Variants in CLPB observed in about 807,000 individuals in gnomAD.
CLPB encodes mitochondrial disaggregase.
CLPB carries 40 observed loss-of-function variants against 78.4 expected under a neutral mutation model. The ratio of observed to expected loss-of-function variants is 0.51; its 90% CI spans 0.40 to 0.66. CLPB has a LOEUF of 0.66. Ranked by LOEUF, CLPB falls within the 30% of genes least tolerant of loss-of-function variation. The probability of loss-of-function intolerance (pLI) is 0.00; values close to 1 mark genes in which losing one functional copy is unlikely to be tolerated. For synonymous variants in CLPB, 333 were observed against 348.0 expected (o/e 0.96, Z 0.48); for missense variants, 780 against 886.9 (o/e 0.88, Z 1.53).
Position 72,363,198 on chromosome 11 carries a change from A to AGGGAG in CLPB, c.647-4195_647-4191dup, listed in dbSNP as rs1320176583. On this transcript the variant is annotated intron_variant, in intron 4 of 15. Transcript: ENST00000538039. ...TAAAAGAAGGAAGGAAGGGAAGGGA[A>AGGGAG]GGGAGGGGAGGGGACGGAGGGAAGG... Among the ~76,000 whole-genome samples the AGGGAG allele has an allele frequency of 7.7e-5, 11 of 141,964 alleles. No individual in the cohort carries two copies. The East Asian group carries it at 2.4e-3, about 31-fold the overall frequency. 93.1% of individuals were successfully genotyped at this position (141,964 alleles called of 152,430 possible).
At chr11:72,422,875 G>A (rs1304896387) in intron 2 of CLPB, among the ~76,000 whole-genome samples, 1 of 152,148 alleles carries the variant, frequency 6.6e-6, no homozygotes, top group African/African-American at 2.4e-5. Context: ...AGTACATTCT[G>A]GACACCTCAA....
chr11:72,423,118 A>G (rs527669432), intron 2 of CLPB, among the ~76,000 whole-genome samples: 7 of 152,350 alleles, frequency 4.6e-5, no homozygotes, highest in Non-Finnish European at 8.8e-5. Context: ...ATAAAACCAG[A>G]AATCAAAACA....
chr11:72,317,761 T>C (rs191859592), intron 6 of CLPB, among the ~76,000 whole-genome samples: 1 of 152,362 alleles, frequency 6.6e-6, no homozygotes, highest in East Asian at 1.9e-4. Flanking sequence ...AGTTCTTGCA[T>C]GCCCAGCCTT....
At chr11:72,385,013 G>A (rs1051564288) in intron 3 of CLPB, among the ~76,000 whole-genome samples, 1 of 152,172 alleles carries the variant, frequency 6.6e-6, no homozygotes, top group Non-Finnish European at 1.5e-5. Context: ...ATAAGGAAAT[G>A]TCTGACTTAA....
intron 3 of CLPB, among the ~76,000 whole-genome samples, chr11:72,389,490 G>A (rs1469039668): frequency 2.6e-5 from 4 of 152,220 alleles, no homozygotes; most frequent in African/African-American, 9.7e-5. Flanking sequence ...TGTGGTATAA[G>A]GCTAGGTCTT....
intron 2 of CLPB, among the ~76,000 whole-genome samples, chr11:72,422,852 T>C (rs898157470): frequency 2.0e-5 from 3 of 152,224 alleles, no homozygotes; most frequent in Admixed American, 6.5e-5. Context: ...GACATTTACC[T>C]ATGCTGTAAC....
intron 11 of CLPB, among the ~76,000 whole-genome samples, chr11:72,297,106 G>A (rs987766099): frequency 6.6e-5 from 10 of 152,204 alleles, no homozygotes; most frequent in African/African-American, 2.4e-4. Context: ...ACTGGGACAG[G>A]TGCTAGGGAG....
intron 3 of CLPB, among the ~76,000 whole-genome samples, chr11:72,400,913 T>C (rs570121419): frequency 1.3e-5 from 2 of 152,328 alleles, no homozygotes; most frequent in South Asian, 4.1e-4. Flanking sequence ...TATGTCTCCT[T>C]ACCTGCATTT....
chr11:72,382,100 A>G (rs1299074493), intron 3 of CLPB, among the ~76,000 whole-genome samples: 4 of 151,434 alleles, frequency 2.6e-5, no homozygotes, highest in African/African-American at 9.7e-5. Context: ...CCTGCCCAGG[A>G]ACAGGCCAGC....
chr11:72,366,517 C>T lies in CLPB; in HGVS notation c.647-7509G>A, dbSNP rs146246635. On this transcript the variant is annotated intron_variant, in intron 4 of 15. Transcript: ENST00000538039. ...TGCTGGGATTACAGGTATGAACCAC[C>T]GCACCCAGCCAAGAATCTATAAGGA... Among the ~76,000 whole-genome samples the T allele has an allele frequency of 5.0e-4, 76 of 152,058 alleles. 1 individual carries two copies. Among genetic ancestry groups the T allele is most frequent in the African/African-American group, 1.5e-3 (62 of 41,458 alleles).
intron 5 of CLPB, among the ~76,000 whole-genome samples, chr11:72,334,123 T>C (rs1950278127): frequency 6.6e-6 from 1 of 152,228 alleles, no homozygotes; most frequent in Non-Finnish European, 1.5e-5. Context: ...GATTAGCCTC[T>C]TCAAACAAGT....
chr11:72,322,663 A>G (rs1246358668), intron 6 of CLPB, among the ~76,000 whole-genome samples: 1 of 152,228 alleles, frequency 6.6e-6, no homozygotes, highest in South Asian at 2.1e-4. Flanking sequence ...TACAGGCATC[A>G]TATCAGAGAC....
At position 72,310,407 on chromosome 11, in the gene CLPB, A is replaced by G. The variant is rs147282474; in HGVS notation, c.989-1803T>C. 3.6e-3 allele frequency among the ~76,000 whole-genome samples: 547 copies of G among 152,336 alleles called. 1 individual carries two copies. Among genetic ancestry groups the G allele is most frequent in the Non-Finnish European group, 5.4e-3 (368 of 68,030 alleles). On this transcript the variant is annotated intron_variant, in intron 7 of 15. Transcript: ENST00000538039. ...AACTAACTGGCCCAGGATCTCTGGA[A>G]AGGCTGGCTATAAGGGGAACCCACA... is the stretch of plus-strand genomic sequence containing the variant.
chr11:72,378,710 A>C (rs570704351), intron 4 of CLPB, among the ~76,000 whole-genome samples: 6 of 152,328 alleles, frequency 3.9e-5, no homozygotes, highest in African/African-American at 1.4e-4. Context: ...GTCCCCACAT[A>C]TCAGGCTGCA....
chr11:72,377,432 A>G (rs1462861648), intron 4 of CLPB, among the ~76,000 whole-genome samples: 1 of 152,206 alleles, frequency 6.6e-6, no homozygotes, highest in Non-Finnish European at 1.5e-5. Flanking sequence ...GAAGCCTACT[A>G]CTAAATTTGC....
At chr11:72,405,498 C>G (rs1855683409) in intron 2 of CLPB, among the ~76,000 whole-genome samples, 1 of 152,102 alleles carries the variant, frequency 6.6e-6, no homozygotes, top group Non-Finnish European at 1.5e-5. Context: ...CAGTAATGGA[C>G]CCTAGGATAA....
chr11:72,340,270 G>A (rs1405441036), intron 5 of CLPB, among the ~76,000 whole-genome samples: 4 of 152,212 alleles, frequency 2.6e-5, no homozygotes, highest in Non-Finnish European at 5.9e-5. Flanking sequence ...AGAGATAGGC[G>A]CTGGCTGCCT....
At chr11:72,310,328 T>G (rs1949822294) in intron 7 of CLPB, among the ~76,000 whole-genome samples, 1 of 152,190 alleles carries the variant, frequency 6.6e-6, no homozygotes, top group African/African-American at 2.4e-5. Context: ...GAAAGAGGCC[T>G]GAGAAAAAGC....
chr11:72,384,242 T>C (rs979520308), intron 3 of CLPB, among the ~76,000 whole-genome samples: 2 of 152,202 alleles, frequency 1.3e-5, no homozygotes, highest in African/African-American at 4.8e-5. Flanking sequence ...TAAATGGTGG[T>C]AAGTAAATCA....
Sources: gnomAD v4.1 joint callset for allele counts (sites outside exome capture counted in the v4.1 genomes callset) on GRCh38, gnomAD v4.1.1 for gene constraint, MANE v1.5 for transcripts, NCBI Gene and HGNC (gene_info 2026-07-23, HGNC 2026-07-21) for gene names.